The following DST variants were observed in gnomAD, a reference collection of about 807,000 sequenced individuals.
DST encodes the protein bullous pemphigoid antigen.
DST carries 253 observed loss-of-function variants against 875.2 expected under a neutral mutation model. That is an observed-to-expected ratio of 0.29 (90% CI 0.26 to 0.32). DST has a LOEUF of 0.32. DST is among the 10% of genes least tolerant of loss of function. The pLI is 1.00. For synonymous variants in DST, 3,124 were observed against 3,197.1 expected, an observed-to-expected ratio of 0.98 and a Z score of 0.77; for missense variants, 8,287 against 9,111.6, an observed-to-expected ratio of 0.91 and a Z score of 3.68.
chr6:56,940,592 T>C (rs1194087997), intron 2 of DST, among the ~76,000 whole-genome samples: 2 of 152,176 alleles, frequency 1.3e-5, no homozygotes, highest in Admixed American at 6.5e-5. Context: ...TTTTATTTAC[T>C]TTATTTTGAG....
intron 68 of DST, 87 bp downstream of exon 68, chr6:56,527,406 C>T: frequency 6.8e-7 from 1 of 1,471,148 alleles, no homozygotes; most frequent in East Asian, 2.4e-5. Flanking sequence ...TATGTAATGA[C>T]ATAAGACAAA....
In DST at chr6:56,627,243, C is replaced by T; in HGVS notation, c.4683G>A (p.Glu1561=). The part of the protein sequence containing the change: ...EIEMKQSKMD[E]CQKYAEQYSA... ...AGTACTGTTCTGCATATTTTTGACA[C>T]TCGTCCATTTTGCTCTGTTTCATTT... The change falls in exon 34 of 104, where the codon GAG becomes GAA. Residue 1561 remains glutamate, a synonymous_variant. Coordinates refer to ENST00000680361, the MANE Select transcript of DST (RefSeq NM_001374736.1). The T allele has an allele frequency of 1.9e-6, 3 of 1,613,030 alleles. No individual in the cohort carries two copies. The highest frequency in any genetic ancestry group is 2.2e-5 in the South Asian group (2 of 91,072).
intron 32 of DST, among the ~76,000 whole-genome samples, chr6:56,628,798 TC>T: frequency 1.3e-5 from 2 of 152,324 alleles, no homozygotes; most frequent in South Asian, 4.1e-4. Flanking sequence ...CTTTTTTAAT[TC>T]AGTAACTGAG....
rs549787299 is a variant in DST, at chr6:56,834,821, C to A, written c.625+16576G>T. Among the ~76,000 whole-genome samples the A allele has an allele frequency of 2.4e-4, 36 of 152,248 alleles. 1 individual carries two copies. In the South Asian group the frequency reaches 7.5e-3, roughly 32 times the overall value. On this transcript the variant is annotated intron_variant, in intron 4 of 103. Coordinates refer to ENST00000680361, the MANE Select transcript of DST (RefSeq NM_001374736.1). ...TAGACAAGTTTCTCACAAAGCTAAACGTACCATACAATCTAGCAATCATAC... is the reference window on the plus strand; with the variant it reads ...TAGACAAGTTTCTCACAAAGCTAAAAGTACCATACAATCTAGCAATCATAC...
Position 56,618,817 on chromosome 6 carries a change from C to T in DST, c.4930-4333G>A, listed in dbSNP as rs2098656468. ...TGAATTTACCAGATTCTTCCTGAAA[C>T]AGAACCATCTTTCTGTGGGTCATCT... is the stretch of plus-strand genomic sequence containing the variant. On this transcript the variant is annotated intron_variant, in intron 36 of 103. Transcript: ENST00000680361. 2.5e-6 allele frequency: 4 copies of T among 1,614,044 alleles called. No homozygotes were observed. The South Asian group carries it at 4.4e-5, about 18-fold the overall frequency.
At chr6:56,670,488 T>G in intron 10 of DST, 153 bp downstream of exon 10, 2 of 613,420 alleles carry the variant, frequency 3.3e-6, no homozygotes, top group South Asian at 2.9e-5. Flanking sequence ...CATGGGCCAC[T>G]GCACCTGGCC....
intron 36 of DST, among the ~76,000 whole-genome samples, chr6:56,622,442 G>A (rs889064626): frequency 2.0e-5 from 3 of 151,668 alleles, no homozygotes; most frequent in East Asian, 1.9e-4. Context: ...GGTGGCAGGC[G>A]GCAGGCGCCT....
chr6:56,852,526 A>G (rs1226265083), intron 3 of DST, among the ~76,000 whole-genome samples: 1 of 152,224 alleles, frequency 6.6e-6, no homozygotes, highest in African/African-American at 2.4e-5. Flanking sequence ...TGTCTTGCAT[A>G]AAAGTGTTAA....
rs748910637 is a variant in DST, at chr6:56,605,976, A to T, written c.8652T>A (p.Ser2884Arg). The change falls in exon 40 of 104, where the codon AGT becomes AGA. Residue 2884 changes from serine (S) to arginine (R), a missense_variant. Ser to Arg is a moderately radical substitution (Grantham distance 110). Coordinates refer to ENST00000680361, the MANE Select transcript of DST (RefSeq NM_001374736.1). ...RVNVVQLASP[S>R]ENNLVTEKSN... is the part of the protein sequence containing the mutation. ...TTTTTTCAGTAACTAAGTTATTTTC[A>T]CTAGGTGATGCTAGCTGTACAACAT... is the stretch of plus-strand genomic sequence containing the variant. The T allele has an allele frequency of 3.7e-6, 6 of 1,612,696 alleles. No individual in the cohort carries two copies. Among genetic ancestry groups the T allele is most frequent in the Non-Finnish European group, 5.1e-6 (6 of 1,179,294 alleles).
At position 56,605,221 on chromosome 6, in the gene DST, T is replaced by C; in HGVS notation, c.9407A>G (p.Asn3136Ser). The C allele has an allele frequency of 6.2e-7, 1 of 1,611,674 alleles. No homozygotes were observed. The highest frequency in any genetic ancestry group is 8.5e-7 in the Non-Finnish European group (1 of 1,178,700). The change falls in exon 40 of 104, where the codon AAT (asparagine) becomes AGT (serine). Residue 3136 changes from asparagine to serine, a missense_variant. Physicochemically the swap from Asn to Ser is conservative, Grantham distance 46. This residue lies in a region of DST where 3,138 missense variants were observed against 3,116.6 expected (regional missense o/e 1.01). Coordinates refer to ENST00000680361, the MANE Select transcript of DST (RefSeq NM_001374736.1). ...IVSKSPVQFE[N>S]LEEIFDTSVS... ...TGATGTGTCAAAAATTTCTTCAAGA[T>C]TCTCAAACTGAACAGGACTTTTACT...
intron 47 of DST, among the ~76,000 whole-genome samples, chr6:56,595,193 G>C (rs1016692502): frequency 2.0e-5 from 3 of 152,244 alleles, no homozygotes; most frequent in Non-Finnish European, 4.4e-5. Flanking sequence ...ATTACCTCCA[G>C]ATTCTTTGCT....
chr6:56,911,879 G>C (rs1224292744), intron 2 of DST, among the ~76,000 whole-genome samples: 1 of 152,092 alleles, frequency 6.6e-6, no homozygotes. Flanking sequence ...TTTCTTTCCT[G>C]GTCGACCTCT....
chr6:56,677,460 C>G (rs2152837418), intron 9 of DST, among the ~76,000 whole-genome samples: 1 of 152,250 alleles, frequency 6.6e-6, no homozygotes, highest in East Asian at 1.9e-4. Context: ...AGGACCACCA[C>G]CATGTGCCAC....
At position 56,552,315 on chromosome 6, in the gene DST, G is replaced by A. The variant is rs186499004; in HGVS notation, c.16477C>T (p.Arg5493Cys). Residue 5493 changes from arginine (R) to cysteine (C), a missense_variant, in exon 61 of 104, where the codon CGC (arginine) becomes TGC (cysteine). Around this residue, in one of 10 missense-constraint regions of DST, gnomAD observed 777 missense variants for 764.8 expected, o/e 1.02. Transcript: ENST00000680361. ...REEQVEGTIK[R>C]LEEFYSKLKE... ...AATTTGCTGTAAAATTCTTCAAGGC[G>A]CTTAATTGTCCCTTCAACCTGCTCT... 211 of 1,613,816 alleles carry A rather than the reference G, an allele frequency of 1.3e-4. No individual in the cohort carries two copies. Among genetic ancestry groups the A allele is most frequent in the Middle Eastern group, 1.6e-4 (1 of 6,084 alleles).
chr6:56,460,080 C>T, intron 103 of DST, 51 bp downstream of exon 103: 1 of 1,561,782 alleles, frequency 6.4e-7, no homozygotes, highest in African/African-American at 1.4e-5. Flanking sequence ...CTTTAATCCT[C>T]AGATGACCAT....
chr6:56,850,992 CGT>C (rs774413202), intron 4 of DST: 15 of 202,878 alleles, frequency 7.4e-5, no homozygotes, highest in Non-Finnish European at 1.4e-4. Context: ...TCTCAATCTG[CGT>C]AGCTCAGTGC....
At chr6:56,681,057 A>G (rs2099154847) in intron 9 of DST, among the ~76,000 whole-genome samples, 1 of 152,210 alleles carries the variant, frequency 6.6e-6, no homozygotes, top group South Asian at 2.1e-4. Flanking sequence ...TTGAACTTGA[A>G]TCTGTCTGGC....
chr6:56,894,135 T>C (rs1176507834), intron 3 of DST, among the ~76,000 whole-genome samples: 342 of 23,196 alleles, frequency 0.015, 1 homozygote, highest in Non-Finnish European at 0.021. Flanking sequence ...GACGGGGTCG[T>C]GGCCGGGCAG....
At chr6:56,857,153 A>G (rs1768317954) in intron 3 of DST, among the ~76,000 whole-genome samples, 1 of 152,046 alleles carries the variant, frequency 6.6e-6, no homozygotes, top group Non-Finnish European at 1.5e-5. Context: ...CTGGGTCTAC[A>G]GGCACATGCT....
Sources: allele counts gnomAD v4.1 joint callset (sites outside exome capture counted in the v4.1 genomes callset), GRCh38; gene constraint gnomAD v4.1.1; regional missense constraint gnomAD v4.1.1; transcripts MANE v1.5; gene names NCBI Gene and HGNC (gene_info 2026-07-23, HGNC 2026-07-21).